Variants in ZNF474 observed in about 807,000 individuals in gnomAD.
ZNF474 encodes 4933409D10Rik.
For synonymous variants in ZNF474, 192 were observed against 162.2 expected (o/e 1.18, Z -1.39); for missense variants, 511 against 433.8 (o/e 1.18, Z -1.58).
In ZNF474 at chr5:122,146,320, A is replaced by G. The variant is rs1256062462; in HGVS notation, c.-212-5459A>G. Among the ~76,000 whole-genome samples, 4 of 152,220 alleles carry G rather than the reference A, an allele frequency of 2.6e-5. No homozygotes were observed. The East Asian group carries it at 7.7e-4, about 29-fold the overall frequency. On this transcript the variant is annotated intron_variant, in intron 1 of 1. Transcript: ENST00000296600. ...AATTTTGCTATCTGCTAGCTCTTTA[A>G]TAAGCTTGTGGAAAAAATAGGCTAT...
chr5:122,141,747 G>A (rs949344980), intron 1 of ZNF474, among the ~76,000 whole-genome samples: 3 of 152,146 alleles, frequency 2.0e-5, no homozygotes, highest in African/African-American at 4.8e-5. Context: ...CTCACAGCAC[G>A]ATCATCTTTC....
chr5:122,143,562 A>C (rs1050360535), intron 1 of ZNF474, among the ~76,000 whole-genome samples: 1 of 152,184 alleles, frequency 6.6e-6, no homozygotes. Context: ...CTAGGTCGAG[A>C]AGGGGCTACT....
At chr5:122,146,073 C>G (rs547544663) in intron 1 of ZNF474, among the ~76,000 whole-genome samples, 1 of 152,298 alleles carries the variant, frequency 6.6e-6, no homozygotes, top group African/African-American at 2.4e-5. Context: ...TGGAATAATG[C>G]TCACAGCAAG....
Position 122,141,095 on chromosome 5 carries a change from TTTTTATTTTATTTTA to T in ZNF474, c.-212-10619_-212-10605del, listed in dbSNP as rs201853082. ...GTGTTTTCAGCTTTTATTTTTTTATTTTTTATTTTATTTTATTTTATTTTATTTTATTTTATTTTA... is the reference window on the plus strand; with the variant it reads ...GTGTTTTCAGCTTTTATTTTTTTATTTTTTATTTTATTTTATTTTATTTTA... On this transcript the variant is annotated intron_variant, in intron 1 of 1. Transcript: ENST00000296600. Among the ~76,000 whole-genome samples the T allele has an allele frequency of 9.2e-3, 489 of 53,310 alleles. 3 individuals carry two copies. The highest frequency in any genetic ancestry group is 0.02 in the African/African-American group (402 of 20,166). The allele number at this position is 53,310 out of a possible 152,430, so 35.0% of individuals were successfully genotyped here.
At position 122,152,241 on chromosome 5, in the gene ZNF474, C is replaced by T. The variant is rs1332434949; in HGVS notation, c.251C>T (p.Pro84Leu). ...ATTATATCGGAAAGCCAGCTTAGCCCCCCTGTGATCCCGGCCCGCAGGCCT... is the reference window on the plus strand; with the variant it reads ...ATTATATCGGAAAGCCAGCTTAGCCTCCCTGTGATCCCGGCCCGCAGGCCT... ...RRIISESQLS[P>L]PVIPARRPGF... Residue 84 changes from proline to leucine, a missense_variant, in exon 2 of 2, where the codon CCC (proline) becomes CTC (leucine). Physicochemically the swap from Pro to Leu is moderately conservative, Grantham distance 98. Transcript: ENST00000296600. The T allele has an allele frequency of 2.5e-6, 4 of 1,614,074 alleles. No individual in the cohort carries two copies. The highest frequency in any genetic ancestry group is 2.5e-6 in the Non-Finnish European group (3 of 1,180,046).
chr5:122,140,494 A>T (rs1442484927), intron 1 of ZNF474, among the ~76,000 whole-genome samples: 1 of 152,232 alleles, frequency 6.6e-6, no homozygotes, highest in Non-Finnish European at 1.5e-5. Context: ...TAAAAAATAC[A>T]ATTATAATGT....
At chr5:122,144,429 T>A (rs1308340599) in intron 1 of ZNF474, among the ~76,000 whole-genome samples, 1 of 152,214 alleles carries the variant, frequency 6.6e-6, no homozygotes, top group East Asian at 1.9e-4. Flanking sequence ...CAGCTGTTAC[T>A]CAGCATCAGC....
At chr5:122,151,069 T>A (rs1021799156) in intron 1 of ZNF474, among the ~76,000 whole-genome samples, 7 of 152,182 alleles carry the variant, frequency 4.6e-5, no homozygotes, top group Non-Finnish European at 1.0e-4. Flanking sequence ...CTGAGGGCTA[T>A]CCTGATAATC....
chr5:122,145,241 T>C (rs1378214626), intron 1 of ZNF474, among the ~76,000 whole-genome samples: 1 of 152,212 alleles, frequency 6.6e-6, no homozygotes, highest in African/African-American at 2.4e-5. Flanking sequence ...CTCAAAGCCA[T>C]GCCTCAGGCT....
At chr5:122,145,042 G>A (rs1185139316) in intron 1 of ZNF474, among the ~76,000 whole-genome samples, 1 of 152,188 alleles carries the variant, frequency 6.6e-6, no homozygotes, top group Non-Finnish European at 1.5e-5. Flanking sequence ...AGCGCAAAGA[G>A]TGCATTTCTC....
chr5:122,151,207 C>A (rs924140130), intron 1 of ZNF474, among the ~76,000 whole-genome samples: 1 of 152,136 alleles, frequency 6.6e-6, no homozygotes, highest in Non-Finnish European at 1.5e-5. Flanking sequence ...AAACAGTTGA[C>A]AAATTATTTC....
intron 1 of ZNF474, among the ~76,000 whole-genome samples, chr5:122,151,417 T>C (rs1756167861): frequency 6.6e-6 from 1 of 152,142 alleles, no homozygotes; most frequent in Non-Finnish European, 1.5e-5. Context: ...AATCTAATAT[T>C]CACAGTTTGC....
chr5:122,149,957 CAG>C (rs1167613370), intron 1 of ZNF474, among the ~76,000 whole-genome samples: 1 of 140,114 alleles, frequency 7.1e-6, no homozygotes, highest in Non-Finnish European at 1.6e-5. Context: ...GAGAAAGAGA[CAG>C]AGAGAGAGAA....
At position 122,153,263 on chromosome 5, in the gene ZNF474, T is replaced by G; in HGVS notation, c.*178T>G. On this transcript the variant is annotated 3_prime_UTR_variant, in exon 2 of 2. Transcript: ENST00000296600. The stretch of plus-strand genomic sequence containing the variant: ...ACATCCTTGCCTGATGGGTTCATAT[T>G]CCTCTTCAATTCTGCTGTCTAAAAG... 1 of 656,476 alleles carries G rather than the reference T, an allele frequency of 1.5e-6. No individual in the cohort carries two copies. Among genetic ancestry groups the G allele is most frequent in the Non-Finnish European group, 2.5e-6 (1 of 406,338 alleles). The allele number at this position is 656,476 out of a possible 1,614,324, so 40.7% of individuals were successfully genotyped here.
chr5:122,148,263 ACTGG>A, intron 1 of ZNF474, among the ~76,000 whole-genome samples: 1 of 152,224 alleles, frequency 6.6e-6, no homozygotes, highest in East Asian at 1.9e-4. Flanking sequence ...CAAAAATTTC[ACTGG>A]CTTCCAGCTA....
At position 122,141,780 on chromosome 5, in the gene ZNF474, T is replaced by A. The variant is rs79125244; in HGVS notation, c.-212-9999T>A. Among the ~76,000 whole-genome samples the A allele has an allele frequency of 1.6e-3, 237 of 152,306 alleles. 1 individual carries two copies. The highest frequency in any genetic ancestry group is 5.4e-3 in the African/African-American group (225 of 41,582). ...TTCTTTTGGGGGCAGTAGGAGAGAA[T>A]CTGTTTCCTTGGTCTTCCTGCCTTC... On this transcript the variant is annotated intron_variant, in intron 1 of 1. Transcript: ENST00000296600.
In ZNF474 at chr5:122,152,150, A is replaced by G. The variant is rs1207339139; in HGVS notation, c.160A>G (p.Ile54Val). The change falls in exon 2 of 2, where the codon ATA becomes GTA. Residue 54 changes from isoleucine (I) to valine (V), a missense_variant. By Grantham distance (29) the Ile-to-Val change is conservative. Transcript: ENST00000296600. ...AGAGAGTGTTAATCCTGGTGAAAAT[A>G]TAAAGACAGACACTCAGAAAAAGAG... ...ETESVNPGEN[I>V]KTDTQKKRPG... The G allele has an allele frequency of 1.9e-6, 3 of 1,614,048 alleles. No homozygotes were observed. The Admixed American group carries it at 5.0e-5, about 27-fold the overall frequency.
At chr5:122,146,638 T>C (rs536507119) in intron 1 of ZNF474, among the ~76,000 whole-genome samples, 1 of 152,202 alleles carries the variant, frequency 6.6e-6, no homozygotes, top group African/African-American at 2.4e-5. Context: ...TAGGTTTCCA[T>C]GTGAATAACA....
Position 122,152,373 on chromosome 5 carries a change from C to G in ZNF474, c.383C>G (p.Pro128Arg). ...QKWHIENSKL[P>R]KHLRRPEPSK... The stretch of plus-strand genomic sequence containing the variant: ...TGGCATATTGAAAACAGCAAGTTGC[C>G]CAAGCATTTGAGGAGGCCAGAACCC... The change falls in exon 2 of 2, where the codon CCC (proline) becomes CGC (arginine). Residue 128 changes from proline (P) to arginine (R), a missense_variant. Pro to Arg is a moderately radical substitution (Grantham distance 103). Transcript: ENST00000296600. The G allele has an allele frequency of 6.2e-7, 1 of 1,614,128 alleles. No individual in the cohort carries two copies. The highest frequency in any genetic ancestry group is 1.3e-5 in the African/African-American group (1 of 75,034).
Sources: allele counts gnomAD v4.1 joint callset (sites outside exome capture counted in the v4.1 genomes callset), GRCh38; gene constraint gnomAD v4.1.1; transcripts MANE v1.5; gene names NCBI Gene and HGNC (gene_info 2026-07-23, HGNC 2026-07-21).